Variants in B3GALT1 observed in about 807,000 individuals in gnomAD.
The protein encoded by B3GALT1 is UDP-Gal:betaGlcNAc beta 1,3-galactosyltransferase, polypeptide 1.
In B3GALT1, 10 loss-of-function variants were observed where a neutral mutation model predicts 23.2. The observed-to-expected ratio is 0.43, with a 90% confidence interval of 0.27 to 0.73. The LOEUF is 0.73. Ranked by LOEUF, B3GALT1 falls within the 30% of genes least tolerant of loss-of-function variation. The pLI is 0.21. For missense variants in B3GALT1, 299 were observed against 405.4 expected, an observed-to-expected ratio of 0.74 and a Z score of 2.25; for synonymous variants, 156 against 141.5, an observed-to-expected ratio of 1.10 and a Z score of -0.73.
intron 2 of B3GALT1, among the ~76,000 whole-genome samples, chr2:167,586,042 G>A (rs1835745): frequency 0.17 from 25,979 of 152,108 alleles, 2,276 homozygotes; most frequent in Non-Finnish European, 0.18. Context: ...TAGGTAAAGC[G>A]CCATTTTTTG....
At chr2:167,420,896 A>G (rs1270288047) in intron 1 of B3GALT1, among the ~76,000 whole-genome samples, 2 of 152,228 alleles carry the variant, frequency 1.3e-5, no homozygotes, top group Admixed American at 1.3e-4. Context: ...AGAAAGGGAC[A>G]TTATTCGATA....
intron 1 of B3GALT1, among the ~76,000 whole-genome samples, chr2:167,487,938 G>T (rs77997813): frequency 6.6e-6 from 1 of 152,134 alleles, no homozygotes; most frequent in Non-Finnish European, 1.5e-5. Context: ...TGTCTTCCCA[G>T]CTGGGACTTG....
At position 167,637,185 on chromosome 2, in the gene B3GALT1, C is replaced by T. The variant is rs1449798440; in HGVS notation, c.-409-9724C>T. 2.0e-5 allele frequency among the ~76,000 whole-genome samples: 3 copies of T among 151,930 alleles called. No homozygotes were observed. The East Asian group carries it at 5.8e-4, about 30-fold the overall frequency. The stretch of plus-strand genomic sequence containing the variant: ...AATCAAGATGGATTTCTGTTGCTTT[C>T]ACTTCGACTTTGTGGTGCACGTATG... On this transcript the variant is annotated intron_variant, in intron 2 of 4. Coordinates refer to ENST00000392690, the MANE Select transcript of B3GALT1 (RefSeq NM_020981.4).
intron 1 of B3GALT1, among the ~76,000 whole-genome samples, chr2:167,413,195 A>T (rs1698417840): frequency 6.6e-6 from 1 of 152,026 alleles, no homozygotes; most frequent in Non-Finnish European, 1.5e-5. Flanking sequence ...AAGGAGAGAG[A>T]TGGGGGGATA....
intron 2 of B3GALT1, among the ~76,000 whole-genome samples, chr2:167,590,777 G>A (rs1684666408): frequency 6.6e-6 from 1 of 152,166 alleles, no homozygotes; most frequent in Admixed American, 6.5e-5. Context: ...ATGTTAATGT[G>A]TAAGAAGGCT....
chr2:167,591,470 T>C (rs1212785611), intron 2 of B3GALT1, among the ~76,000 whole-genome samples: 1 of 151,806 alleles, frequency 6.6e-6, no homozygotes, highest in Non-Finnish European at 1.5e-5. Flanking sequence ...ATTAATTTAT[T>C]TATTTATTTA....
intron 1 of B3GALT1, among the ~76,000 whole-genome samples, chr2:167,337,833 C>T (rs1241544106): frequency 6.6e-6 from 1 of 152,106 alleles, no homozygotes; most frequent in Admixed American, 6.6e-5. Flanking sequence ...CATTTGTATG[C>T]ATTTGTTTCC....
intron 3 of B3GALT1, among the ~76,000 whole-genome samples, chr2:167,790,894 T>G (rs1558980100): frequency 6.6e-6 from 1 of 152,224 alleles, no homozygotes; most frequent in Non-Finnish European, 1.5e-5. Context: ...ATATTTTGTA[T>G]TGACCTAATT....
chr2:167,598,238 A>G (rs1684813426), intron 2 of B3GALT1, among the ~76,000 whole-genome samples: 1 of 152,182 alleles, frequency 6.6e-6, no homozygotes, highest in South Asian at 2.1e-4. Context: ...GTTTATGTTC[A>G]AACCCTCAAT....
chr2:167,340,301 G>A (rs978692115), intron 1 of B3GALT1, among the ~76,000 whole-genome samples: 2 of 139,978 alleles, frequency 1.4e-5, no homozygotes, highest in African/African-American at 2.8e-5. Context: ...GACCATTGCT[G>A]TGGTACAGGG....
At position 167,870,154 on chromosome 2, in the gene B3GALT1, C is replaced by A. The variant is rs1456595607; in HGVS notation, c.*134C>A. 5 of 891,194 alleles carry A rather than the reference C, an allele frequency of 5.6e-6. No homozygotes were observed. Among genetic ancestry groups the A allele is most frequent in the South Asian group, 2.2e-5 (1 of 45,928 alleles). The allele number at this position is 891,194 out of a possible 1,614,324, so 55.2% of individuals were successfully genotyped here. A position where few individuals can be genotyped will look rare whatever the true frequency, so the allele number is the denominator to read the frequency against. ...AAGTTTTTGCTTCCTGCTATAAGTT[C>A]TTTTCTTGGATTACCAATTTATGAA... is the stretch of plus-strand genomic sequence containing the variant. On this transcript the variant is annotated 3_prime_UTR_variant, in exon 5 of 5. Transcript: ENST00000392690.
chr2:167,327,148 T>C (rs1021208672), intron 1 of B3GALT1, among the ~76,000 whole-genome samples: 1 of 152,174 alleles, frequency 6.6e-6, no homozygotes, highest in Non-Finnish European at 1.5e-5. Context: ...CATGCTGTTT[T>C]GTTTACTATA....
chr2:167,404,644 TGATGTAA>T (rs1698246295), intron 1 of B3GALT1, among the ~76,000 whole-genome samples: 1 of 152,132 alleles, frequency 6.6e-6, no homozygotes, highest in Non-Finnish European at 1.5e-5. Context: ...ATAGTAAAAT[TGATGTAA>T]GATGGCACAG....
chr2:167,293,413 GC>G (rs1696290737), intron 1 of B3GALT1, 79 bp downstream of exon 1: 1 of 152,476 alleles, frequency 6.6e-6, no homozygotes, highest in Non-Finnish European at 1.5e-5. Flanking sequence ...GCGCGTGGTG[GC>G]CGGGGCATCC....
At chr2:167,369,708 C>T (rs1436813309) in intron 1 of B3GALT1, among the ~76,000 whole-genome samples, 3 of 152,090 alleles carry the variant, frequency 2.0e-5, no homozygotes, top group African/African-American at 7.2e-5. Flanking sequence ...AACAAGATGG[C>T]TTTTAGTTTC....
intron 4 of B3GALT1, among the ~76,000 whole-genome samples, chr2:167,841,819 C>T (rs1200540101): frequency 6.6e-6 from 1 of 152,112 alleles, no homozygotes; most frequent in East Asian, 1.9e-4. Flanking sequence ...ATGAATATTT[C>T]AGGGAAAGGG....
intron 2 of B3GALT1, among the ~76,000 whole-genome samples, chr2:167,543,377 T>C (rs2105375127): frequency 6.6e-6 from 1 of 152,340 alleles, no homozygotes; most frequent in South Asian, 2.1e-4. Flanking sequence ...TATTAATGCT[T>C]CAGTGGATAG....
intron 2 of B3GALT1, among the ~76,000 whole-genome samples, chr2:167,536,202 C>T (rs1683423054): frequency 6.6e-6 from 1 of 152,080 alleles, no homozygotes; most frequent in Non-Finnish European, 1.5e-5. Context: ...CCACCGCGCC[C>T]AGCCAAGCAT....
At chr2:167,716,007 C>A in intron 3 of B3GALT1, 1 of 1,611,288 alleles carries the variant, frequency 6.2e-7, no homozygotes, top group Non-Finnish European at 8.5e-7. Context: ...CACAATTCTG[C>A]GTAGCTCCTC....
Sources: gnomAD v4.1 joint callset for allele counts (sites outside exome capture counted in the v4.1 genomes callset) on GRCh38, gnomAD v4.1.1 for gene constraint, MANE v1.5 for transcripts, NCBI Gene and HGNC (gene_info 2026-07-23, HGNC 2026-07-21) for gene names.